WHRN: variants seen among roughly 807,000 people sequenced by gnomAD.
WHRN encodes the protein CASK-interacting protein CIP98.
WHRN carries 41 observed loss-of-function variants against 68.3 expected under a neutral mutation model. That is an observed-to-expected ratio of 0.60 (90% confidence interval 0.47 to 0.78). The LOEUF (loss-of-function observed/expected upper bound fraction) is 0.78. WHRN is among the 30% of genes least tolerant of loss of function. The pLI is 0.00. For synonymous variants in WHRN, 560 were observed against 561.3 expected, an observed-to-expected ratio of 1.00 and a Z score of 0.03; for missense variants, 1,243 against 1,244.7, an observed-to-expected ratio of 1.00 and a Z score of 0.02.
chr9:114,454,720 A>T (rs1022021811), intron 3 of WHRN, among the ~76,000 whole-genome samples: 2 of 151,788 alleles, frequency 1.3e-5, no homozygotes, highest in Admixed American at 6.6e-5. Context: ...GCTGATTCTA[A>T]TTTTTTTTAT....
chr9:114,438,653 C>G (rs1207943741), intron 3 of WHRN, among the ~76,000 whole-genome samples: 1 of 151,960 alleles, frequency 6.6e-6, no homozygotes, highest in Non-Finnish European at 1.5e-5. Flanking sequence ...GGGGTTTCAC[C>G]TGTTAGCCAG....
intron 3 of WHRN, among the ~76,000 whole-genome samples, chr9:114,430,353 G>A (rs1837305825): frequency 6.6e-6 from 1 of 152,174 alleles, no homozygotes; most frequent in Non-Finnish European, 1.5e-5. Context: ...ATATTGCATA[G>A]GGCATATACA....
rs1000531813 is a variant in WHRN at position 114,478,542 on chromosome 9, A to T, written c.837+11T>A. 19 of 1,613,782 alleles carry T rather than the reference A, an allele frequency of 1.2e-5. No individual in the cohort carries two copies. The highest frequency in any genetic ancestry group is 1.6e-5 in the Non-Finnish European group (19 of 1,179,838). ...TCTGAGAGGCTGGCCTCCTTTCCCCACCCCACTCACCTTTTTCTCATCCCC... is the reference window on the plus strand; with the variant it reads ...TCTGAGAGGCTGGCCTCCTTTCCCCTCCCCACTCACCTTTTTCTCATCCCC... On this transcript the variant is annotated intron_variant, in intron 2 of 11. Transcript: ENST00000362057.
rs772948940 is a variant in WHRN at position 114,406,588 on chromosome 9, T to C, written c.2003A>G (p.His668Arg). Residue 668 changes from histidine to arginine, a missense_variant, in exon 9 of 12, where the codon CAT becomes CGT. Transcript: ENST00000362057. Reference protein sequence around the residue: ...NPSSKRPLDAHLALVNQHPIG... With the variant: ...NPSSKRPLDARLALVNQHPIG... ...GGGGTGTTGGTTGACCAGGGCCAGA[T>C]GGGCGTCCAGCGGCCTCTTGGAGCT... 2.5e-5 allele frequency: 40 copies of C among 1,610,798 alleles called. No homozygotes were observed. In the South Asian group the frequency reaches 4.3e-4, roughly 17 times the overall value.
intron 4 of WHRN, 120 bp from the exon 5 acceptor site, chr9:114,425,144 C>T (rs954779106): frequency 5.0e-6 from 5 of 998,014 alleles, no homozygotes; most frequent in Non-Finnish European, 8.1e-6. Context: ...GCATCGTGGC[C>T]TCCACTCGCT....
chr9:114,471,544 G>A (rs772930629), intron 2 of WHRN, among the ~76,000 whole-genome samples: 3 of 152,148 alleles, frequency 2.0e-5, no homozygotes, highest in Non-Finnish European at 4.4e-5. Context: ...GTTGCTTCTC[G>A]GATCTTCAGT....
Position 114,406,810 on chromosome 9 carries a change from AG to A in WHRN, c.1780del (p.Leu594SerfsTer3). ...CAGCTTCCTTGGCTGGCCTAGTGGG[AG>A]GTCGTTGCCTTGGGCCAGAGGTGGT... ...RPPPLAQGND[L>X]PLGQPRKLGR... On this transcript the variant is annotated frameshift_variant, in exon 9 of 12. Transcript: ENST00000362057. LOFTEE classifies it high-confidence loss of function. 1.9e-6 allele frequency: 3 copies of A among 1,612,276 alleles called. No homozygotes were observed. The highest frequency in any genetic ancestry group is 2.5e-6 in the Non-Finnish European group (3 of 1,179,192).
intron 1 of WHRN, among the ~76,000 whole-genome samples, chr9:114,493,307 C>T (rs996321450): frequency 7.7e-5 from 11 of 143,390 alleles, no homozygotes; most frequent in African/African-American, 2.4e-4. Context: ...GCTGTTATCG[C>T]GCCACTGCAC....
chr9:114,441,597 C>T (rs532390414), intron 3 of WHRN, among the ~76,000 whole-genome samples: 1 of 152,158 alleles, frequency 6.6e-6, no homozygotes, highest in Non-Finnish European at 1.5e-5. Context: ...ATGACAGATG[C>T]ATGTCAAATG....
chr9:114,447,416 C>T (rs1838919760), intron 3 of WHRN, among the ~76,000 whole-genome samples: 1 of 152,136 alleles, frequency 6.6e-6, no homozygotes, highest in African/African-American at 2.4e-5. Flanking sequence ...GGTAAAAGGA[C>T]TGATATATAC....
At chr9:114,491,978 C>G (rs1236608729) in intron 1 of WHRN, among the ~76,000 whole-genome samples, 2 of 148,342 alleles carry the variant, frequency 1.3e-5, no homozygotes, top group African/African-American at 5.0e-5. Context: ...ATTCCTGTGG[C>G]GCTCACCCCA....
Position 114,440,438 on chromosome 9 carries a change from CA to C in WHRN, c.964-14026del, listed in dbSNP as rs1278068421. ...ATTTTTAGTGGAGATGGGGTTTCAC[CA>C]TGTTAGCTAGGCTGGTCTCAAACTC... is the stretch of plus-strand genomic sequence containing the variant. On this transcript the variant is annotated intron_variant, in intron 3 of 11. Coordinates refer to ENST00000362057, the MANE Select transcript of WHRN (RefSeq NM_015404.4). Among the ~76,000 whole-genome samples the C allele has an allele frequency of 2.0e-5, 3 of 152,116 alleles. No homozygotes were observed. The East Asian group carries it at 5.8e-4, about 29-fold the overall frequency.
intron 3 of WHRN, among the ~76,000 whole-genome samples, chr9:114,444,253 T>C (rs1474830647): frequency 6.6e-6 from 1 of 152,136 alleles, no homozygotes; most frequent in Non-Finnish European, 1.5e-5. Flanking sequence ...GTGCAAAAAC[T>C]TTTGCAATTT....
At chr9:114,433,844 G>A (rs1243138767) in intron 3 of WHRN, among the ~76,000 whole-genome samples, 1 of 152,132 alleles carries the variant, frequency 6.6e-6, no homozygotes, top group African/African-American at 2.4e-5. Context: ...GATGGACCCG[G>A]CAAGGCTAAT....
intron 3 of WHRN, among the ~76,000 whole-genome samples, chr9:114,448,644 C>T (rs1018622190): frequency 6.6e-6 from 1 of 152,284 alleles, no homozygotes; most frequent in East Asian, 1.9e-4. Context: ...GGAAAGCCCC[C>T]CTAAGCCACC....
intron 3 of WHRN, among the ~76,000 whole-genome samples, chr9:114,451,653 G>A (rs1839347140): frequency 6.6e-6 from 1 of 151,926 alleles, no homozygotes; most frequent in Non-Finnish European, 1.5e-5. Context: ...TACAGGGGAA[G>A]GCCCTGCCCT....
chr9:114,451,261 G>T (rs1207425519), intron 3 of WHRN, among the ~76,000 whole-genome samples: 2 of 152,218 alleles, frequency 1.3e-5, no homozygotes, highest in African/African-American at 4.8e-5. Context: ...CAGCACAGAG[G>T]TAAGGCATGT....
chr9:114,406,241 C>T, intron 9 of WHRN, 114 bp downstream of exon 9: 3 of 1,470,134 alleles, frequency 2.0e-6, no homozygotes, highest in Non-Finnish European at 2.8e-6. Context: ...CCACTCTGGC[C>T]CTGAGCCCCC....
chr9:114,465,226 G>A (rs1840580537), intron 3 of WHRN, among the ~76,000 whole-genome samples: 1 of 152,180 alleles, frequency 6.6e-6, no homozygotes, highest in Non-Finnish European at 1.5e-5. Flanking sequence ...GTGGCTTGGT[G>A]GCCACATGTG....
Sources: allele counts gnomAD v4.1 joint callset (sites outside exome capture counted in the v4.1 genomes callset), GRCh38; gene constraint gnomAD v4.1.1; transcripts MANE v1.5; gene names NCBI Gene and HGNC (gene_info 2026-07-23, HGNC 2026-07-21).